Variants in NR2C2 observed in about 807,000 individuals in gnomAD.
NR2C2 encodes the protein nuclear receptor subfamily 2 group C member 2, also known as Nuclear hormone receptor TR4.
NR2C2 carries 6 observed loss-of-function variants against 62.9 expected under a neutral mutation model. The observed-to-expected ratio is 0.10, with a 90% CI of 0.05 to 0.19. The LOEUF is 0.19. Ranked by LOEUF, NR2C2 falls within the 10% of genes least tolerant of loss-of-function variation. The pLI, the probability that NR2C2 is intolerant of heterozygous loss-of-function variation, is 1.00. For missense variants in NR2C2, 479 were observed against 762.7 expected (o/e 0.63, Z 4.38); for synonymous variants, 272 against 273.8 (o/e 0.99, Z 0.07).
intron 4 of NR2C2, among the ~76,000 whole-genome samples, chr3:15,019,613 A>AT (rs768892634): frequency 5.2e-4 from 79 of 152,248 alleles, no homozygotes; most frequent in Non-Finnish European, 4.7e-4. Flanking sequence ...TTGTGACAAC[A>AT]TAGATGAACA....
At chr3:14,959,563 T>A (rs1284850828) in intron 1 of NR2C2, 1 of 152,184 alleles carries the variant, frequency 6.6e-6, no homozygotes, top group Non-Finnish European at 1.5e-5. Flanking sequence ...TTGTTCATTT[T>A]TAAGCAGCTT....
chr3:15,033,464 T>A (rs911162601), intron 10 of NR2C2, among the ~76,000 whole-genome samples: 2 of 152,082 alleles, frequency 1.3e-5, no homozygotes, highest in African/African-American at 4.8e-5. Context: ...CCTGAGTAGT[T>A]GTTAGAATGG....
chr3:15,005,940 T>G (rs991354934), intron 2 of NR2C2, among the ~76,000 whole-genome samples: 3 of 152,180 alleles, frequency 2.0e-5, no homozygotes, highest in African/African-American at 7.2e-5. Flanking sequence ...GTACAGTGGC[T>G]CATACTTGTA....
At chr3:15,034,636 C>T (rs62240391) in intron 10 of NR2C2, 34 bp from the exon 11 acceptor site, 133,080 of 1,605,058 alleles carry the variant, frequency 0.083, 6,175 homozygotes, top group Non-Finnish European at 0.094. Flanking sequence ...AATGCCAACA[C>T]ACACCACACT....
At chr3:14,970,854 A>G (rs1052357069) in intron 1 of NR2C2, among the ~76,000 whole-genome samples, 1 of 152,226 alleles carries the variant, frequency 6.6e-6, no homozygotes, top group African/African-American at 2.4e-5. Flanking sequence ...TACTCAACTT[A>G]TGATGGTTCA....
At chr3:14,983,875 T>TG (rs2040443742) in intron 1 of NR2C2, among the ~76,000 whole-genome samples, 1 of 152,158 alleles carries the variant, frequency 6.6e-6, no homozygotes, top group African/African-American at 2.4e-5. Flanking sequence ...CCTTGTTTTG[T>TG]ATTTTTTTAT....
intron 2 of NR2C2, among the ~76,000 whole-genome samples, chr3:15,011,899 C>A (rs1409389254): frequency 6.6e-6 from 1 of 152,204 alleles, no homozygotes; most frequent in Non-Finnish European, 1.5e-5. Context: ...TTCCCAATGT[C>A]ATGCTTTCTC....
Position 15,045,839 on chromosome 3 carries a change from TACTGGCCTG to T in NR2C2, c.*2832_*2840del, listed in dbSNP as rs1332574572. 6.6e-6 allele frequency: 1 copy of T among 152,350 alleles called. No individual in the cohort carries two copies. Among genetic ancestry groups the T allele is most frequent in the Non-Finnish European group, 1.5e-5 (1 of 68,046 alleles). 9.4% of individuals were successfully genotyped at this position (152,350 alleles called of 1,614,324 possible). ...GGAGCCACGTTCATGCTCCCTCTTCTACTGGCCTGGCTGCTCCTCCCTCAATGAGGAGAG... is the reference window on the plus strand; with the variant it reads ...GGAGCCACGTTCATGCTCCCTCTTCTGCTGCTCCTCCCTCAATGAGGAGAG... On this transcript the variant is annotated 3_prime_UTR_variant, in exon 14 of 14. Transcript: ENST00000425241.
chr3:14,997,075 G>T (rs558743085), intron 1 of NR2C2, among the ~76,000 whole-genome samples: 2 of 152,338 alleles, frequency 1.3e-5, no homozygotes, highest in African/African-American at 4.8e-5. Context: ...TGACGGTTCT[G>T]TCAGTGCTTG....
chr3:14,984,482 C>T (rs992726360), intron 1 of NR2C2, among the ~76,000 whole-genome samples: 8 of 152,158 alleles, frequency 5.3e-5, no homozygotes, highest in African/African-American at 1.9e-4. Context: ...CACATCTATC[C>T]CTAGGCAACC....
intron 1 of NR2C2, among the ~76,000 whole-genome samples, chr3:14,990,856 A>G (rs116791071): frequency 5.9e-5 from 9 of 152,354 alleles, no homozygotes; most frequent in South Asian, 2.1e-4. Flanking sequence ...ATTTGAAGAA[A>G]TTCAATTTAA....
chr3:14,991,239 T>C (rs2040661467), intron 1 of NR2C2, among the ~76,000 whole-genome samples: 1 of 152,228 alleles, frequency 6.6e-6, no homozygotes, highest in Non-Finnish European at 1.5e-5. Flanking sequence ...TGGATATATA[T>C]GTCATCAAGA....
intron 1 of NR2C2, among the ~76,000 whole-genome samples, chr3:14,963,408 T>A (rs2039744273): frequency 6.6e-6 from 1 of 152,210 alleles, no homozygotes; most frequent in Non-Finnish European, 1.5e-5. Context: ...CCAAAGCTCT[T>A]CCAATTAACC....
In NR2C2 at chr3:15,039,095, T is replaced by TGGGG. The variant is rs10663366; in HGVS notation, c.1511-21_1511-18dup. 1.7e-5 allele frequency: 25 copies of TGGGG among 1,443,260 alleles called. No homozygotes were observed. The African/African-American group carries it at 2.8e-4, about 16-fold the overall frequency. 89.4% of individuals were successfully genotyped at this position (1,443,260 alleles called of 1,614,324 possible). On this transcript the variant is annotated intron_variant, in intron 12 of 13. Transcript: ENST00000425241. ...GAGACTTTTCAAATACAGAGGGAAC[T>TGGGG]GGGGGGGGGTACTTTTCTGTTTTCA...
chr3:14,977,699 T>C (rs1666972241), intron 1 of NR2C2, among the ~76,000 whole-genome samples: 1 of 152,128 alleles, frequency 6.6e-6, no homozygotes, highest in Non-Finnish European at 1.5e-5. Context: ...GCAAAATGGC[T>C]CATGCATATA....
chr3:14,949,809 C>CA (rs776224883), intron 1 of NR2C2, among the ~76,000 whole-genome samples: 2 of 152,104 alleles, frequency 1.3e-5, no homozygotes, highest in African/African-American at 4.8e-5. Context: ...CTCTGTCGCC[C>CA]AGGCTGGAGT....
chr3:14,953,133 G>A (rs1477984213), intron 1 of NR2C2, among the ~76,000 whole-genome samples: 3 of 151,828 alleles, frequency 2.0e-5, no homozygotes, highest in Non-Finnish European at 1.5e-5. Flanking sequence ...GTTACCCTTG[G>A]ACTCCAGTTG....
chr3:15,000,737 A>G (rs1354656449), intron 1 of NR2C2, among the ~76,000 whole-genome samples: 2 of 152,070 alleles, frequency 1.3e-5, no homozygotes, highest in African/African-American at 2.4e-5. Flanking sequence ...TAGGGATTAC[A>G]TTGAATCTTT....
At chr3:15,017,146 C>G (rs1018303438) in intron 4 of NR2C2, among the ~76,000 whole-genome samples, 4 of 152,200 alleles carry the variant, frequency 2.6e-5, no homozygotes, top group African/African-American at 7.2e-5. Flanking sequence ...GAGGTTGGAC[C>G]AAGCCTCTTA....
Sources: allele counts gnomAD v4.1 joint callset (sites outside exome capture counted in the v4.1 genomes callset), GRCh38; gene constraint gnomAD v4.1.1; transcripts MANE v1.5; gene names NCBI Gene and HGNC (gene_info 2026-07-23, HGNC 2026-07-21).